The following TATDN2 variants were observed in gnomAD, a reference collection of about 807,000 sequenced individuals.
TATDN2 encodes TatD DNase domain containing 2, also known as 3'-5' RNA nuclease TATDN2.
Under a neutral mutation model 60.3 loss-of-function variants are expected in TATDN2, and 44 were observed. The observed-to-expected ratio is 0.73, with a 90% CI of 0.57 to 0.94. The LOEUF is 0.94. Among genes scored for constraint, TATDN2 ranks in the 40% least tolerant of loss-of-function variants. TATDN2 has a pLI of 0.00. For missense variants in TATDN2, 997 were observed against 948.0 expected (o/e 1.05, Z -0.68); for synonymous variants, 399 against 355.8 (o/e 1.12, Z -1.37).
Position 10,280,187 on chromosome 3 carries a change from T to A in TATDN2, c.*1005T>A, listed in dbSNP as rs1698711188. Reference sequence around the variant, plus strand: ...GAAGCTCTGCTGGGCAGCTCAGCCATGTTACATTGTCTATGCAGAATAAGC... The same window carrying A: ...GAAGCTCTGCTGGGCAGCTCAGCCAAGTTACATTGTCTATGCAGAATAAGC... On this transcript the variant is annotated 3_prime_UTR_variant, in exon 8 of 8. Transcript: ENST00000448281. 6.5e-6 allele frequency: 1 copy of A among 153,964 alleles called. No individual in the cohort carries two copies. The highest frequency in any genetic ancestry group is 2.1e-4 in the South Asian group (1 of 4,824). 9.5% of individuals were successfully genotyped at this position (153,964 alleles called of 1,614,324 possible). A position where few individuals can be genotyped will look rare whatever the true frequency, so the allele number is the denominator to read the frequency against.
rs575518794 is a variant in TATDN2, at chr3:10,266,894, A to T, written c.949-3237A>T. Among the ~76,000 whole-genome samples the T allele has an allele frequency of 2.4e-4, 36 of 151,570 alleles. No homozygotes were observed. The South Asian group carries it at 6.7e-3, about 28-fold the overall frequency. On this transcript the variant is annotated intron_variant, in intron 3 of 7. Transcript: ENST00000448281. ...GTAGGTGCTCAATAAATGTAACTTT[A>T]AATTTTACCATACAGGCTTAAACTA...
chr3:10,250,413 C>T (rs940904744), intron 2 of TATDN2, among the ~76,000 whole-genome samples: 5 of 151,908 alleles, frequency 3.3e-5, no homozygotes, highest in Non-Finnish European at 7.4e-5. Flanking sequence ...TTAGAGTTTG[C>T]ATCCTAGATT....
chr3:10,253,679 G>A (rs918785592), intron 2 of TATDN2, among the ~76,000 whole-genome samples: 1 of 152,192 alleles, frequency 6.6e-6, no homozygotes, highest in Non-Finnish European at 1.5e-5. Context: ...TATGATTCTC[G>A]ATGTTTGATC....
intron 4 of TATDN2, among the ~76,000 whole-genome samples, chr3:10,271,322 G>T (rs242734): frequency 0.83 from 126,423 of 152,248 alleles, 53,134 homozygotes; most frequent in East Asian, 1. Context: ...TTTCTTAATT[G>T]ATTTTTTGAG....
At chr3:10,277,211 T>G (rs1307370105) in intron 5 of TATDN2, among the ~76,000 whole-genome samples, 4 of 152,230 alleles carry the variant, frequency 2.6e-5, no homozygotes, top group Admixed American at 1.3e-4. Context: ...TTCTCCCCAG[T>G]TATGAAAATC....
At chr3:10,254,325 T>C (rs1698272883) in intron 2 of TATDN2, among the ~76,000 whole-genome samples, 1 of 152,160 alleles carries the variant, frequency 6.6e-6, no homozygotes, top group Admixed American at 6.5e-5. Flanking sequence ...CATCTGAGTC[T>C]TACTGATGGA....
chr3:10,276,299 A>G (rs1392579442), intron 4 of TATDN2, 62 bp from the exon 5 acceptor site: 2 of 1,595,334 alleles, frequency 1.3e-6, no homozygotes, highest in Non-Finnish European at 1.7e-6. Context: ...TGGGCGTTCC[A>G]GAGGTGATGG....
chr3:10,273,121 G>T (rs945467152), intron 4 of TATDN2, among the ~76,000 whole-genome samples: 1 of 152,216 alleles, frequency 6.6e-6, no homozygotes, highest in African/African-American at 2.4e-5. Flanking sequence ...GGCATAGGGG[G>T]ATAAACACAG....
chr3:10,261,382 T>C (rs1274206522), intron 3 of TATDN2, among the ~76,000 whole-genome samples: 1 of 130,308 alleles, frequency 7.7e-6, no homozygotes, highest in East Asian at 2.7e-4. Context: ...TTTTTTTTTT[T>C]GTTGTTGGGA....
Position 10,260,315 on chromosome 3 carries a change from C to G in TATDN2, c.593C>G (p.Ser198Trp). Residue 198 changes from serine (S) to tryptophan (W), a missense_variant, in exon 3 of 8, where the codon TCG becomes TGG. Ser to Trp is a radical substitution (Grantham distance 177). Coordinates refer to ENST00000448281, the MANE Select transcript of TATDN2 (RefSeq NM_014760.4). Reference sequence around the variant, plus strand: ...GCTATCCAGGGCATCCTGGGGAAATCGATGCCAAAAAGGAAGGGAGAGGCT... The same window carrying G: ...GCTATCCAGGGCATCCTGGGGAAATGGATGCCAAAAAGGAAGGGAGAGGCT... ...LKAIQGILGK[S>W]MPKRKGEAAT... is the part of the protein sequence containing the mutation. 2 of 1,614,114 alleles carry G rather than the reference C, an allele frequency of 1.2e-6. No homozygotes were observed. Among genetic ancestry groups the G allele is most frequent in the Non-Finnish European group, 1.7e-6 (2 of 1,180,006 alleles).
At chr3:10,275,807 A>G (rs1698628551) in intron 4 of TATDN2, among the ~76,000 whole-genome samples, 1 of 152,086 alleles carries the variant, frequency 6.6e-6, no homozygotes, top group African/African-American at 2.4e-5. Context: ...TAAGTGTAGT[A>G]TTTGTTTCTT....
intron 5 of TATDN2, 116 bp downstream of exon 5, chr3:10,276,604 TTC>T: frequency 7.4e-7 from 1 of 1,356,536 alleles, no homozygotes; most frequent in Non-Finnish European, 9.7e-7. Flanking sequence ...TTTTTTTTTT[TTC>T]GAGACGGAAT....
chr3:10,259,742 C>T (rs1431008065), intron 2 of TATDN2, among the ~76,000 whole-genome samples: 1 of 152,178 alleles, frequency 6.6e-6, no homozygotes, highest in Non-Finnish European at 1.5e-5. Flanking sequence ...TCACTGGGTC[C>T]TCAGGTTTCC....
At position 10,252,834 on chromosome 3, in the gene TATDN2, G is replaced by A. The variant is rs191408791; in HGVS notation, c.414+3220G>A. On this transcript the variant is annotated intron_variant, in intron 2 of 7. Transcript: ENST00000448281. Reference sequence around the variant, plus strand: ...CCTCCCAAGTAGGTGGAACTCAGGCGTGTGCCAACCTGCCTGGCTAATTTT... The same window carrying A: ...CCTCCCAAGTAGGTGGAACTCAGGCATGTGCCAACCTGCCTGGCTAATTTT... Among the ~76,000 whole-genome samples the A allele has an allele frequency of 2.8e-3, 425 of 149,176 alleles. 3 individuals carry two copies. Among genetic ancestry groups the A allele is most frequent in the African/African-American group, 0.01 (405 of 40,140 alleles).
Position 10,249,287 on chromosome 3 carries a change from C to G in TATDN2, c.87C>G (p.Pro29=). 1 of 1,601,548 alleles carries G rather than the reference C, an allele frequency of 6.2e-7. No individual in the cohort carries two copies. The highest frequency in any genetic ancestry group is 8.5e-7 in the Non-Finnish European group (1 of 1,172,000). The change falls in exon 2 of 8, where the codon CCC becomes CCG. Residue 29 remains proline, a synonymous_variant. Coordinates refer to ENST00000448281, the MANE Select transcript of TATDN2 (RefSeq NM_014760.4). The stretch of plus-strand genomic sequence containing the variant: ...GCAAGCGCAGCTGCCTCCGGGAGCC[C>G]TGTGATGTGGCCCCCTCCAGCCGGC... The part of the protein sequence containing the change: ...CPRKRSCLRE[P]CDVAPSSRPA...
chr3:10,277,059 G>T (rs952094247), intron 5 of TATDN2, among the ~76,000 whole-genome samples: 2 of 151,920 alleles, frequency 1.3e-5, no homozygotes, highest in African/African-American at 2.4e-5. Context: ...TCCTGGGGAT[G>T]GGCAGAAATG....
chr3:10,249,318 C>T lies in TATDN2; in HGVS notation c.118C>T (p.Gln40Ter). The T allele has an allele frequency of 6.2e-7, 1 of 1,611,372 alleles. No individual in the cohort carries two copies. Among genetic ancestry groups the T allele is most frequent in the Non-Finnish European group, 8.5e-7 (1 of 1,178,274 alleles). Residue 40 changes from glutamine (Q) to a stop codon, truncating the protein, a stop_gained, in exon 2 of 8, where the codon CAG (glutamine) becomes TAG (stop). Coordinates refer to ENST00000448281, the MANE Select transcript of TATDN2 (RefSeq NM_014760.4). LOFTEE classifies it high-confidence loss of function. ...CDVAPSSRPA[Q>*]RSASRSGGPS... is the part of the protein sequence containing the mutation. ...TGTGGCCCCCTCCAGCCGGCCAGCTCAGAGGTCTGCGTCGCGTTCTGGAGG... is the reference window on the plus strand; with the variant it reads ...TGTGGCCCCCTCCAGCCGGCCAGCTTAGAGGTCTGCGTCGCGTTCTGGAGG...
intron 2 of TATDN2, among the ~76,000 whole-genome samples, chr3:10,253,449 G>A (rs1478037561): frequency 6.6e-6 from 1 of 152,236 alleles, no homozygotes; most frequent in Admixed American, 6.5e-5. Flanking sequence ...ATCCCTGCTG[G>A]CTGACCTCAC....
At chr3:10,253,092 C>T (rs768367649) in intron 2 of TATDN2, among the ~76,000 whole-genome samples, 14 of 152,038 alleles carry the variant, frequency 9.2e-5, no homozygotes, top group East Asian at 5.8e-4. Context: ...CTCTTGACCT[C>T]GTGATCCGCC....
Sources: gnomAD v4.1 joint callset for allele counts (sites outside exome capture counted in the v4.1 genomes callset) on GRCh38, gnomAD v4.1.1 for gene constraint, MANE v1.5 for transcripts, NCBI Gene and HGNC (gene_info 2026-07-23, HGNC 2026-07-21) for gene names.